Variants in ARID5A observed in about 807,000 individuals in gnomAD.
ARID5A encodes the protein AT-rich interaction domain 5A.
In ARID5A, 14 loss-of-function variants were observed where a neutral mutation model predicts 30.5. The ratio of observed to expected loss-of-function variants is 0.46; its 90% CI spans 0.30 to 0.72. The LOEUF (loss-of-function observed/expected upper bound fraction) is 0.72, where lower values mean the gene tolerates loss of function less well. Among genes scored for constraint, ARID5A ranks in the 30% least tolerant of loss-of-function variants. ARID5A has a pLI of 0.07. For synonymous variants in ARID5A, 338 were observed against 340.4 expected (o/e 0.99, Z 0.08); for missense variants, 669 against 786.2 (o/e 0.85, Z 1.78).
rs192927410 is a variant in ARID5A, at chr2:96,544,346, C to T, written c.5-3056C>T. ...AAGATGTCATCTAGGACTTTCATAG[C>T]TAAGGAGAAGTCAATGCATGGCTTC... On this transcript the variant is annotated intron_variant, in intron 1 of 6. Transcript: ENST00000357485. 3.6e-4 allele frequency among the ~76,000 whole-genome samples: 55 copies of T among 152,344 alleles called. 2 individuals carry two copies. The highest frequency in any genetic ancestry group is 3.4e-3 in the Middle Eastern group (1 of 294).
chr2:96,550,415 C>T lies in ARID5A; in HGVS notation c.410+130C>T. ...GCGCCGTCCTCAGAGCTGCGGGAGCCCAGGCTGGCTGGGCGCACTCACTGA... is the reference window on the plus strand; with the variant it reads ...GCGCCGTCCTCAGAGCTGCGGGAGCTCAGGCTGGCTGGGCGCACTCACTGA... On this transcript the variant is annotated intron_variant, in intron 5 of 6. Transcript: ENST00000357485. This position sits in a 1 kb window ranked among gnomAD's most constrained non-coding sequence, Gnocchi z 6.6. The T allele has an allele frequency of 7.0e-7, 1 of 1,431,818 alleles. No individual in the cohort carries two copies. Among genetic ancestry groups the T allele is most frequent in the Non-Finnish European group, 9.1e-7 (1 of 1,094,402 alleles). The allele number at this position is 1,431,818 out of a possible 1,614,324, so 88.7% of individuals were successfully genotyped here.
rs1448977763 is a variant in ARID5A at position 96,539,915 on chromosome 2, C to G, written c.4+3085C>G. 6.6e-6 allele frequency among the ~76,000 whole-genome samples: 1 copy of G among 152,186 alleles called. No individual in the cohort carries two copies. Among genetic ancestry groups the G allele is most frequent in the African/African-American group, 2.4e-5 (1 of 41,424 alleles). On this transcript the variant is annotated intron_variant, in intron 1 of 6. Coordinates refer to ENST00000357485, the MANE Select transcript of ARID5A (RefSeq NM_212481.3). This position sits in a 1 kb window ranked among gnomAD's most constrained non-coding sequence, Gnocchi z 4.7. ...TGAGCACAGATAAGGAACTTGAGGT[C>G]TCCCTGCTCCCATTAGAAAGAAAAA...
Position 96,551,802 on chromosome 2 carries a change from C to T in ARID5A, c.1274C>T (p.Pro425Leu), listed in dbSNP as rs2066052596. 7 of 1,581,266 alleles carry T rather than the reference C, an allele frequency of 4.4e-6. 1 individual carries two copies. In the South Asian group the frequency reaches 6.9e-5, roughly 16 times the overall value. The change falls in exon 7 of 7, where the codon CCA becomes CTA. Residue 425 changes from proline to leucine, a missense_variant. Physicochemically the swap from Pro to Leu is moderately conservative, Grantham distance 98. This residue lies in a region of ARID5A where 548 missense variants were observed against 577.4 expected (regional missense o/e 0.95). Coordinates refer to ENST00000357485, the MANE Select transcript of ARID5A (RefSeq NM_212481.3). ...TGGGTGTCCCCCATGGCCAAGGTCC[C>T]AGCCGAGAGCCCCACGCTCCCGCCC... is the stretch of plus-strand genomic sequence containing the variant. ...ACWVSPMAKV[P>L]AESPTLPPTF...
Position 96,550,190 on chromosome 2 carries a change from G to T in ARID5A, c.315G>T (p.Val105=), listed in dbSNP as rs751822314. Residue 105 remains valine (V), a splice_region_variant and synonymous_variant, in exon 5 of 7, where the codon GTG becomes GTT. Transcript: ENST00000357485. The surrounding 1 kb of genome is among the most constrained non-coding windows in gnomAD (Gnocchi z 6.6). The part of the protein sequence containing the change: ...AVEKLGAYEL[V]TGRRLWKNVY... ...GCCCTCACGAGGTGCCCTTGCAGGTGACCGGGCGCCGCCTCTGGAAGAACG... is the reference window on the plus strand; with the variant it reads ...GCCCTCACGAGGTGCCCTTGCAGGTTACCGGGCGCCGCCTCTGGAAGAACG... 6.5e-7 allele frequency: 1 copy of T among 1,534,566 alleles called. No individual in the cohort carries two copies.
intron 2 of ARID5A, among the ~76,000 whole-genome samples, chr2:96,548,541 A>G (rs555335684): frequency 6.6e-6 from 1 of 152,304 alleles, no homozygotes; most frequent in South Asian, 2.1e-4. Flanking sequence ...AAGTGCTGGG[A>G]TTACAGGAGT....
rs759316529 is a variant in ARID5A, at chr2:96,551,180, C to G, written c.652C>G (p.Gln218Glu). Reference protein sequence around the residue: ...SQEPPRNSTEQQGLASGSSVS... With the variant: ...SQEPPRNSTEEQGLASGSSVS... ...GGAGCCCCCCAGGAACAGCACAGAA[C>G]AGCAGGGCCTGGCCTCTGGGTCTTC... Residue 218 changes from glutamine (Q) to glutamate (E), a missense_variant, in exon 7 of 7, where the codon CAG (glutamine) becomes GAG (glutamate). By Grantham distance (29) the Gln-to-Glu change is conservative. Transcript: ENST00000357485. 1 of 1,614,022 alleles carries G rather than the reference C, an allele frequency of 6.2e-7. No individual in the cohort carries two copies. Among genetic ancestry groups the G allele is most frequent in the South Asian group, 1.1e-5 (1 of 91,092 alleles).
rs1558620805 is a variant in ARID5A, at chr2:96,550,699, CGAA to C, written c.541_543del (p.Lys181del). 7 of 1,593,876 alleles carry C rather than the reference CGAA, an allele frequency of 4.4e-6. No homozygotes were observed. The South Asian group carries it at 8.0e-5, about 18-fold the overall frequency. On this transcript the variant is annotated inframe_deletion, in exon 6 of 7. Transcript: ENST00000357485. The surrounding 1 kb of genome is among the most constrained non-coding windows in gnomAD (Gnocchi z 6.6). Reference sequence around the variant, plus strand: ...GGGGATGATGGGGCCACCGAGAGGCCGAAGAAGGCCAAGGAGGAGCGGCGCATG... The same window carrying C: ...GGGGATGATGGGGCCACCGAGAGGCCGAAGGCCAAGGAGGAGCGGCGCATG...
intron 1 of ARID5A, among the ~76,000 whole-genome samples, chr2:96,543,324 A>G (rs1251555596): frequency 6.6e-6 from 1 of 152,218 alleles, no homozygotes; most frequent in Non-Finnish European, 1.5e-5. Flanking sequence ...ATGTACAGGC[A>G]CACCTTGCTC....
chr2:96,544,951 C>T (rs1052151602), intron 1 of ARID5A, among the ~76,000 whole-genome samples: 6 of 152,016 alleles, frequency 3.9e-5, no homozygotes, highest in African/African-American at 1.4e-4. Context: ...TTGAGGGCTT[C>T]AAGACTTCAG....
intron 1 of ARID5A, 110 bp downstream of exon 1, chr2:96,536,940 TG>T (rs1486030073): frequency 8.3e-7 from 1 of 1,197,784 alleles, no homozygotes; most frequent in East Asian, 3.3e-5. Context: ...GTGCGCTGTG[TG>T]GGGCGGAGAG....
At chr2:96,536,973 G>A (rs958275712) in intron 1 of ARID5A, 143 bp downstream of exon 1, 3 of 1,102,314 alleles carry the variant, frequency 2.7e-6, no homozygotes, top group Non-Finnish European at 3.4e-6. Context: ...GGGTTTCGGG[G>A]CGCGGGCCAA....
rs770664548 is a variant in ARID5A at position 96,552,190 on chromosome 2, C to A, written c.1662C>A (p.Phe554Leu). Residue 554 changes from phenylalanine (F) to leucine (L), a missense_variant, in exon 7 of 7, where the codon TTC (phenylalanine) becomes TTA (leucine). Physicochemically the swap from Phe to Leu is conservative, Grantham distance 22 (BLOSUM62 0). Around this residue, in one of 4 missense-constraint regions of ARID5A, gnomAD observed 548 missense variants for 577.4 expected, o/e 0.95. Transcript: ENST00000357485. ...PSPMAAGLMH[F>L]PPTSFDSALR... The stretch of plus-strand genomic sequence containing the variant: ...CCATGGCCGCTGGCCTGATGCACTT[C>A]CCCCCAACGTCCTTCGACAGTGCCC... 1.2e-6 allele frequency: 2 copies of A among 1,613,388 alleles called. No homozygotes were observed. The highest frequency in any genetic ancestry group is 1.7e-6 in the Non-Finnish European group (2 of 1,180,000).
Position 96,550,173 on chromosome 2 carries a change from G to C in ARID5A, c.313-15G>C. The C allele has an allele frequency of 6.5e-7, 1 of 1,534,274 alleles. No individual in the cohort carries two copies. The highest frequency in any genetic ancestry group is 8.8e-7 in the Non-Finnish European group (1 of 1,142,170). ...GGGCGCCCGCCGGCCGCGCCCTCAC[G>C]AGGTGCCCTTGCAGGTGACCGGGCG... On this transcript the variant is annotated splice_polypyrimidine_tract_variant and intron_variant, in intron 4 of 6. Coordinates refer to ENST00000357485, the MANE Select transcript of ARID5A (RefSeq NM_212481.3). The surrounding 1 kb of genome is among the most constrained non-coding windows in gnomAD (Gnocchi z 6.6).
rs1448799647 is a variant in ARID5A at position 96,550,619 on chromosome 2, G to A, written c.456G>A (p.Lys152=). ...GGCACCTGAAGGGGGAGGATGACAA[G>A]CCGCTGCCCACCTCCAAGCCCAGGA... is the stretch of plus-strand genomic sequence containing the variant. The part of the protein sequence containing the change: ...YVRHLKGEDD[K]PLPTSKPRKQ... The change falls in exon 6 of 7, where the codon AAG becomes AAA. Residue 152 remains lysine, a synonymous_variant. Transcript: ENST00000357485. This position sits in a 1 kb window ranked among gnomAD's most constrained non-coding sequence, Gnocchi z 6.6. 1 of 1,608,138 alleles carries A rather than the reference G, an allele frequency of 6.2e-7. No homozygotes were observed. Among genetic ancestry groups the A allele is most frequent in the Admixed American group, 1.7e-5 (1 of 59,382 alleles).
In ARID5A at chr2:96,551,922, T is replaced by C. The variant is rs775529696; in HGVS notation, c.1394T>C (p.Phe465Ser). The change falls in exon 7 of 7, where the codon TTT (phenylalanine) becomes TCT (serine). Residue 465 changes from phenylalanine (F) to serine (S), a missense_variant. This residue lies in a region of ARID5A where 548 missense variants were observed against 577.4 expected (regional missense o/e 0.95). Coordinates refer to ENST00000357485, the MANE Select transcript of ARID5A (RefSeq NM_212481.3). ...AAGAGACTGCGGGCCGTGTCTCCCT[T>C]TCTTAAGGAGGCGGATGCCAAGAAG... ...SGKRLRAVSP[F>S]LKEADAKKCG... 7.9e-6 allele frequency: 12 copies of C among 1,526,606 alleles called. No individual in the cohort carries two copies. Among genetic ancestry groups the C allele is most frequent in the Non-Finnish European group, 7.9e-6 (9 of 1,137,998 alleles). The allele number at this position is 1,526,606 out of a possible 1,614,324, so 94.6% of individuals were successfully genotyped here.
At chr2:96,547,193 G>A (rs532099323) in intron 1 of ARID5A, among the ~76,000 whole-genome samples, 15 of 149,722 alleles carry the variant, frequency 1.0e-4, no homozygotes, top group South Asian at 4.2e-4. Flanking sequence ...GTCTCACTAC[G>A]TTGCCCAGAC....
At chr2:96,545,156 C>CTTTTTTTTTTTTTTTTTTTTTTTT (rs35156624) in intron 1 of ARID5A, among the ~76,000 whole-genome samples, 9 of 116,336 alleles carry the variant, frequency 7.7e-5, no homozygotes, top group Non-Finnish European at 1.2e-4. Flanking sequence ...TTTTCTTTTT[C>CTTTTTTTTTTTTTTTTTTTTTTTT]TTTTTTTTTT....
intron 1 of ARID5A, among the ~76,000 whole-genome samples, chr2:96,540,470 C>T (rs1224230844): frequency 1.3e-5 from 2 of 152,136 alleles, no homozygotes; most frequent in Non-Finnish European, 1.5e-5. Context: ...ATGAGGAAAT[C>T]GCAGGGGGGC....
At chr2:96,544,144 G>A (rs151161245) in intron 1 of ARID5A, among the ~76,000 whole-genome samples, 3,742 of 152,326 alleles carry the variant, frequency 0.025, 159 homozygotes, top group African/African-American at 0.086. Context: ...AGCAGAGGTT[G>A]CTTCATGAGG....
Sources: gnomAD v4.1 joint callset for allele counts (sites outside exome capture counted in the v4.1 genomes callset) on GRCh38, gnomAD v4.1.1 for gene constraint, gnomAD v4.1.1 regional missense constraint, Gnocchi (gnomAD v3.1) non-coding constraint, MANE v1.5 for transcripts, NCBI Gene and HGNC (gene_info 2026-07-23, HGNC 2026-07-21) for gene names.